Variants in FAT4 observed in about 807,000 individuals in gnomAD.
FAT4 encodes FAT atypical cadherin 4.
FAT4 carries 84 observed loss-of-function variants against 303.9 expected under a neutral mutation model. That is an observed-to-expected ratio of 0.28 (90% CI 0.23 to 0.33). The LOEUF (loss-of-function observed/expected upper bound fraction) is 0.33, where lower values mean the gene tolerates loss of function less well. FAT4 is among the 10% of genes least tolerant of loss of function. The pLI, the probability that FAT4 is intolerant of heterozygous loss-of-function variation, is 1.00. For missense variants in FAT4, 6,005 were observed against 6,146.8 expected (o/e 0.98, Z 0.77); for synonymous variants, 2,307 against 2,298.8 (o/e 1.00, Z -0.10).
At chr4:125,361,882 C>A (rs1247089402) in intron 2 of FAT4, among the ~76,000 whole-genome samples, 1 of 152,126 alleles carries the variant, frequency 6.6e-6, no homozygotes, top group Non-Finnish European at 1.5e-5. Context: ...ATCCATTAAG[C>A]ACGGAGATTC....
intron 10 of FAT4, among the ~76,000 whole-genome samples, chr4:125,461,839 C>T (rs1002247392): frequency 1.3e-5 from 2 of 151,854 alleles, no homozygotes; most frequent in South Asian, 2.1e-4. Flanking sequence ...ACTAAAATGG[C>T]CTTCACATAA....
At chr4:125,414,150 C>T (rs1335505850) in intron 5 of FAT4, among the ~76,000 whole-genome samples, 1 of 151,916 alleles carries the variant, frequency 6.6e-6, no homozygotes, top group Non-Finnish European at 1.5e-5. Context: ...TGTATATGCT[C>T]CACATCATTT....
At chr4:125,354,458 C>A (rs1178036264) in intron 2 of FAT4, among the ~76,000 whole-genome samples, 1 of 151,698 alleles carries the variant, frequency 6.6e-6, no homozygotes, top group East Asian at 1.9e-4. Flanking sequence ...GAATTGGTTT[C>A]ATTTCTTTGC....
intron 2 of FAT4, among the ~76,000 whole-genome samples, chr4:125,339,354 C>A (rs1001347477): frequency 6.6e-6 from 1 of 151,974 alleles, no homozygotes; most frequent in Admixed American, 6.6e-5. Flanking sequence ...TGCCACCACG[C>A]CTGGCTAATT....
At chr4:125,410,811 T>C (rs571273091) in intron 5 of FAT4, among the ~76,000 whole-genome samples, 2 of 152,252 alleles carry the variant, frequency 1.3e-5, no homozygotes, top group South Asian at 2.1e-4. Flanking sequence ...GACCATTGTC[T>C]CTAAGTAAGT....
intron 2 of FAT4, among the ~76,000 whole-genome samples, chr4:125,391,998 C>T (rs1176214896): frequency 1.3e-5 from 2 of 152,080 alleles, no homozygotes; most frequent in Non-Finnish European, 2.9e-5. Flanking sequence ...GAGCAGGACA[C>T]ATTATTGCTC....
Position 125,416,521 on chromosome 4 carries a change from A to T in FAT4, c.6917A>T (p.Asn2306Ile), listed in dbSNP as rs369144497. The change falls in exon 7 of 18, where the codon AAT becomes ATT. Residue 2306 changes from asparagine to isoleucine, a missense_variant. Asn to Ile is a moderately radical substitution (Grantham distance 149). Coordinates refer to ENST00000394329, the MANE Select transcript of FAT4 (RefSeq NM_001291303.3). ...GTTCTGTTTGGTGGTAATGAAGACA[A>T]TGCTTTTACTCTCTCAGCCAGTGGA... Reference protein sequence around the residue: ...SYVLFGGNEDNAFTLSASGEL... With the variant: ...SYVLFGGNEDIAFTLSASGEL... 1 of 1,614,038 alleles carries T rather than the reference A, an allele frequency of 6.2e-7. No individual in the cohort carries two copies. Among genetic ancestry groups the T allele is most frequent in the East Asian group, 2.2e-5 (1 of 44,880 alleles).
intron 2 of FAT4, among the ~76,000 whole-genome samples, chr4:125,333,937 A>G (rs1731478773): frequency 6.6e-6 from 1 of 152,192 alleles, no homozygotes; most frequent in South Asian, 2.1e-4. Flanking sequence ...AATACCAAGT[A>G]AAGGTCAGAG....
intron 2 of FAT4, among the ~76,000 whole-genome samples, chr4:125,333,998 T>C (rs1238597428): frequency 6.6e-6 from 1 of 152,118 alleles, no homozygotes; most frequent in East Asian, 1.9e-4. Context: ...GACAGTCATT[T>C]GACACCTCAT....
intron 7 of FAT4, among the ~76,000 whole-genome samples, chr4:125,418,092 A>G (rs1735141533): frequency 6.6e-6 from 1 of 152,224 alleles, no homozygotes; most frequent in African/African-American, 2.4e-5. Flanking sequence ...CACTGTTTTC[A>G]TTCAAAAGTC....
chr4:125,328,162 A>G (rs1731230462), intron 2 of FAT4, among the ~76,000 whole-genome samples: 1 of 152,250 alleles, frequency 6.6e-6, no homozygotes, highest in Non-Finnish European at 1.5e-5. Context: ...AGCTTTATGT[A>G]GTCTGTGACA....
At chr4:125,328,551 T>G (rs183841119) in intron 2 of FAT4, among the ~76,000 whole-genome samples, 509 of 152,360 alleles carry the variant, frequency 3.3e-3, no homozygotes, top group Non-Finnish European at 5.9e-3. Context: ...AAACATGCTT[T>G]GCTACTGGCA....
In FAT4 at chr4:125,399,006, T is replaced by A. The variant is rs968309588; in HGVS notation, c.5307+91T>A. ...TATGTTGACTACTTTTATTACCCAATAATTAAGGTTAAGCATGTGTGCTCC... is the reference window on the plus strand; with the variant it reads ...TATGTTGACTACTTTTATTACCCAAAAATTAAGGTTAAGCATGTGTGCTCC... On this transcript the variant is annotated intron_variant, in intron 3 of 17. Transcript: ENST00000394329. 3.4e-6 allele frequency: 4 copies of A among 1,188,510 alleles called. No homozygotes were observed. In the African/African-American group the frequency reaches 4.5e-5, roughly 13 times the overall value. The allele number at this position is 1,188,510 out of a possible 1,614,324, so 73.6% of individuals were successfully genotyped here.
chr4:125,476,073 C>T (rs867222818), intron 12 of FAT4, 98 bp from the exon 13 acceptor site: 5 of 570,366 alleles, frequency 8.8e-6, no homozygotes, highest in South Asian at 8.6e-5. Context: ...GTTTCTAAGT[C>T]ATGTTCACAT....
chr4:125,441,100 A>G lies in FAT4; in HGVS notation c.7200-5193A>G, dbSNP rs1725647342. Among the ~76,000 whole-genome samples the G allele has an allele frequency of 2.0e-5, 3 of 152,252 alleles. No individual in the cohort carries two copies. In the East Asian group the frequency reaches 5.8e-4, roughly 29 times the overall value. ...CTAATCCTTCCAATCTATGTAGTAC[A>G]CTGTCCTGTAAAATTATGAAGCCCT... On this transcript the variant is annotated intron_variant, in intron 8 of 17. Coordinates refer to ENST00000394329, the MANE Select transcript of FAT4 (RefSeq NM_001291303.3).
At position 125,317,774 on chromosome 4, in the gene FAT4, C is replaced by T. The variant is rs1167146680; in HGVS notation, c.1363C>T (p.Arg455Cys). The change falls in exon 2 of 18, where the codon CGC (arginine) becomes TGC (cysteine). Residue 455 changes from arginine (R) to cysteine (C), a missense_variant. By Grantham distance (180) the Arg-to-Cys change is radical. Transcript: ENST00000394329. The surrounding 1 kb of genome is among the most constrained non-coding windows in gnomAD (Gnocchi z 7.0). Reference protein sequence around the residue: ...GAPPGAAVQARSSVASLVIFV... With the variant: ...GAPPGAAVQACSSVASLVIFV... The stretch of plus-strand genomic sequence containing the variant: ...GCCCCCTGGCGCAGCAGTCCAGGCG[C>T]GCTCTTCTGTGGCAAGCCTGGTGAT... 1.2e-6 allele frequency: 2 copies of T among 1,614,176 alleles called. No individual in the cohort carries two copies. The highest frequency in any genetic ancestry group is 2.7e-5 in the African/African-American group (2 of 75,058).
intron 2 of FAT4, among the ~76,000 whole-genome samples, chr4:125,343,524 T>C (rs1308030587): frequency 6.6e-6 from 1 of 152,196 alleles, no homozygotes; most frequent in Non-Finnish European, 1.5e-5. Flanking sequence ...TTAAATTTCA[T>C]CTCTTAATAT....
chr4:125,365,870 G>A (rs1732859661), intron 2 of FAT4, among the ~76,000 whole-genome samples: 1 of 152,128 alleles, frequency 6.6e-6, no homozygotes, highest in Admixed American at 6.6e-5. Flanking sequence ...CCCAACCCCG[G>A]GGCCACTGAC....
chr4:125,441,939 G>A (rs1389912676), intron 8 of FAT4, among the ~76,000 whole-genome samples: 3 of 152,136 alleles, frequency 2.0e-5, no homozygotes, highest in Admixed American at 2.0e-4. Flanking sequence ...GCCAAATTGG[G>A]CCTAGTGCCT....
Sources: allele counts gnomAD v4.1 joint callset (sites outside exome capture counted in the v4.1 genomes callset), GRCh38; gene constraint gnomAD v4.1.1; non-coding constraint Gnocchi (gnomAD v3.1); transcripts MANE v1.5; gene names NCBI Gene and HGNC (gene_info 2026-07-23, HGNC 2026-07-21).